Variants in COPG1 observed in about 807,000 individuals in gnomAD.
COPG1 encodes the protein coatomer subunit gamma-1.
COPG1 carries 29 observed loss-of-function variants against 102.8 expected under a neutral mutation model. That is an observed-to-expected ratio of 0.28 (90% CI 0.21 to 0.38). COPG1 has a LOEUF of 0.38. Ranked by LOEUF, COPG1 falls within the 10% of genes least tolerant of loss-of-function variation. The pLI is 1.00. For synonymous variants in COPG1, 406 were observed against 421.6 expected (o/e 0.96, Z 0.45); for missense variants, 875 against 1,132.7 (o/e 0.77, Z 3.27).
chr3:129,260,229 G>A, intron 10 of COPG1, 104 bp from the exon 11 acceptor site: 1 of 1,037,972 alleles, frequency 9.6e-7, no homozygotes, highest in South Asian at 1.4e-5. Flanking sequence ...GTGTCAGCAG[G>A]GAAATGAGCT....
chr3:129,260,086 C>T, intron 10 of COPG1: 1 of 556,546 alleles, frequency 1.8e-6, no homozygotes, highest in South Asian at 2.1e-5. Flanking sequence ...TAGCACAGCA[C>T]CTGGCACACA....
chr3:129,251,240 A>G, intron 2 of COPG1, among the ~76,000 whole-genome samples: 1 of 150,738 alleles, frequency 6.6e-6, no homozygotes, highest in Non-Finnish European at 1.5e-5. Flanking sequence ...TTAAACATTT[A>G]AAAAATTTCT....
chr3:129,262,542 C>A (rs143401681), intron 12 of COPG1, among the ~76,000 whole-genome samples: 1 of 151,980 alleles, frequency 6.6e-6, no homozygotes, highest in African/African-American at 2.4e-5. Flanking sequence ...CGTGAGCCAC[C>A]GCACTCGGCC....
chr3:129,271,149 C>T lies in COPG1; in HGVS notation c.1844-618C>T, dbSNP rs529622595. ...CACTTGGGTTATTCCCTTTAGTTTG[C>T]AAGGAATGCCAGGACCAGCCAGGGT... On this transcript the variant is annotated intron_variant, in intron 18 of 23. Coordinates refer to ENST00000314797, the MANE Select transcript of COPG1 (RefSeq NM_016128.4). The surrounding 1 kb of genome is among the most constrained non-coding windows in gnomAD (Gnocchi z 4.7). Among the ~76,000 whole-genome samples, 1 of 152,256 alleles carries T rather than the reference C, an allele frequency of 6.6e-6. No individual in the cohort carries two copies. The highest frequency in any genetic ancestry group is 2.4e-5 in the African/African-American group (1 of 41,556).
At position 129,277,356 on chromosome 3, in the gene COPG1, A is replaced by G; in HGVS notation, c.2557A>G (p.Thr853Ala). Residue 853 changes from threonine (T) to alanine (A), a missense_variant, in exon 24 of 24, where the codon ACA becomes GCA. Thr to Ala is a moderately conservative substitution (Grantham distance 58, BLOSUM62 0). Transcript: ENST00000314797. The part of the protein sequence containing the change: ...RSRLLLLDTV[T>A]MQVTARSLEE... ...CCGGCTGCTGCTTTTGGACACAGTG[A>G]CAATGCAGGTGACAGCCAGAAGTTT... The G allele has an allele frequency of 6.2e-7, 1 of 1,613,998 alleles. No individual in the cohort carries two copies. The highest frequency in any genetic ancestry group is 2.2e-5 in the East Asian group (1 of 44,876).
intron 21 of COPG1, chr3:129,274,186 G>GA (rs879199047): frequency 0.13 from 39,106 of 294,878 alleles, 61 homozygotes; most frequent in South Asian, 0.2. Flanking sequence ...CAGAGATGAA[G>GA]AAAAAAAAAA....
intron 12 of COPG1, 42 bp from the exon 13 acceptor site, chr3:129,263,862 T>G: frequency 1.3e-6 from 2 of 1,566,780 alleles, no homozygotes; most frequent in South Asian, 2.2e-5. Context: ...CACCCCATCT[T>G]GGTGGCAGGG....
In COPG1 at chr3:129,275,667, A is replaced by G. The variant is rs115995845; in HGVS notation, c.2494+375A>G. ...TTGCATCTTAGAGATCTTCCCCGTCAATATGTAGAGCTTCCTCATTCTTTT... is the reference window on the plus strand; with the variant it reads ...TTGCATCTTAGAGATCTTCCCCGTCGATATGTAGAGCTTCCTCATTCTTTT... On this transcript the variant is annotated intron_variant, in intron 23 of 23. Transcript: ENST00000314797. This position sits in a 1 kb window ranked among gnomAD's most constrained non-coding sequence, Gnocchi z 5.0. Among the ~76,000 whole-genome samples, 1,370 of 152,286 alleles carry G rather than the reference A, an allele frequency of 9.0e-3. 15 individuals are homozygous for G. Among genetic ancestry groups the G allele is most frequent in the African/African-American group, 0.031 (1,300 of 41,570 alleles).
In COPG1 at chr3:129,257,759, G is replaced by A; in HGVS notation, c.770G>A (p.Ser257Asn). Residue 257 changes from serine (S) to asparagine (N), a missense_variant, in exon 10 of 24, where the codon AGC (serine) becomes AAC (asparagine). By Grantham distance (46) the Ser-to-Asn change is conservative. Transcript: ENST00000314797. ...AGCCCACTGTTTGACTTCATCGAGA[G>A]CTGCTTGCGCAACAAGCACGAGATG... ...RDSPLFDFIESCLRNKHEMVV... is the reference protein window; with the variant it reads ...RDSPLFDFIENCLRNKHEMVV... The A allele has an allele frequency of 6.2e-7, 1 of 1,614,186 alleles. No homozygotes were observed.
intron 12 of COPG1, among the ~76,000 whole-genome samples, chr3:129,262,078 A>G (rs1939936272): frequency 6.6e-6 from 1 of 152,102 alleles, no homozygotes; most frequent in Non-Finnish European, 1.5e-5. Context: ...GGGTTACAAG[A>G]ATGCTTTGCA....
chr3:129,251,244 A>G (rs1245832910), intron 2 of COPG1, among the ~76,000 whole-genome samples: 1 of 151,054 alleles, frequency 6.6e-6, no homozygotes, highest in African/African-American at 2.4e-5. Flanking sequence ...ACATTTAAAA[A>G]ATTTCTCTAT....
chr3:129,277,155 C>T, intron 23 of COPG1, 139 bp from the exon 24 acceptor site: 1 of 821,178 alleles, frequency 1.2e-6, no homozygotes, highest in Non-Finnish European at 2.0e-6. Context: ...AAATCCCTCA[C>T]TCAGGGATTT....
chr3:129,260,737 G>A lies in COPG1; in HGVS notation c.1058G>A (p.Ser353Asn). 4 of 1,613,414 alleles carry A rather than the reference G, an allele frequency of 2.5e-6. No individual in the cohort carries two copies. Among genetic ancestry groups the A allele is most frequent in the Non-Finnish European group, 3.4e-6 (4 of 1,180,040 alleles). The stretch of plus-strand genomic sequence containing the variant: ...ATCACCACCCTCCTTAAGACGGGCA[G>A]CGAGAGCAGCATCGACCGCCTCATG... ...LAITTLLKTG[S>N]ESSIDRLMKQ... Residue 353 changes from serine to asparagine, a missense_variant, in exon 12 of 24, where the codon AGC becomes AAC. Physicochemically the swap from Ser to Asn is conservative, Grantham distance 46. Coordinates refer to ENST00000314797, the MANE Select transcript of COPG1 (RefSeq NM_016128.4).
chr3:129,249,723 T>C lies in COPG1; in HGVS notation c.14T>C (p.Phe5Ser). The C allele has an allele frequency of 6.4e-7, 1 of 1,551,506 alleles. No individual in the cohort carries two copies. The highest frequency in any genetic ancestry group is 2.4e-5 in the East Asian group (1 of 40,914). Residue 5 changes from phenylalanine to serine, a missense_variant, in exon 1 of 24, where the codon TTC becomes TCC. By Grantham distance (155) the Phe-to-Ser change is radical. Transcript: ENST00000314797. MLKK[F>S]DKKDEESGGG... ...ACCGACTCCACTATGTTGAAGAAAT[T>C]CGACAAGAAGGATGAGGAGTCAGGT...
In COPG1 at chr3:129,274,719, T is replaced by A; in HGVS notation, c.2257-119T>A. 5.1e-6 allele frequency: 6 copies of A among 1,172,074 alleles called. No homozygotes were observed. The South Asian group carries it at 5.7e-5, about 11-fold the overall frequency. 72.6% of individuals were successfully genotyped at this position (1,172,074 alleles called of 1,614,324 possible). A position where few individuals can be genotyped will look rare whatever the true frequency, so the allele number is the denominator to read the frequency against. ...TCTATGTCCCCAGAGTCTAGCACAG[T>A]CCTCAGTGCCGAGCAAGCACCTGTG... is the stretch of plus-strand genomic sequence containing the variant. On this transcript the variant is annotated intron_variant, in intron 21 of 23. Transcript: ENST00000314797.
At chr3:129,274,000 T>C in intron 21 of COPG1, 1 of 455,664 alleles carries the variant, frequency 2.2e-6, no homozygotes, top group South Asian at 1.5e-5. Flanking sequence ...CTGTTAGAAC[T>C]CCTCCTGACT....
chr3:129,261,517 G>A (rs1939924729), intron 12 of COPG1, among the ~76,000 whole-genome samples: 1 of 152,112 alleles, frequency 6.6e-6, no homozygotes, highest in Admixed American at 6.6e-5. Flanking sequence ...TGTTCTTTTG[G>A]GGCAGGAGGA....
chr3:129,264,421 C>T (rs4927940), intron 13 of COPG1, among the ~76,000 whole-genome samples: 10,960 of 152,186 alleles, frequency 0.072, 1,227 homozygotes, highest in African/African-American at 0.24. Flanking sequence ...CTTTCTTGGA[C>T]GTCTCAACAA....
In COPG1 at chr3:129,257,876, T is replaced by C; in HGVS notation, c.871+16T>C. 1 of 1,611,262 alleles carries C rather than the reference T, an allele frequency of 6.2e-7. No homozygotes were observed. The highest frequency in any genetic ancestry group is 8.5e-7 in the Non-Finnish European group (1 of 1,178,960). On this transcript the variant is annotated intron_variant, in intron 10 of 23. Transcript: ENST00000314797. ...GCTGTGTCAGGTCACTGGGCATTCC[T>C]TCACCCAGCCTCACATGTTTATGCT...
Sources: gnomAD v4.1 joint callset for allele counts (sites outside exome capture counted in the v4.1 genomes callset) on GRCh38, gnomAD v4.1.1 for gene constraint, Gnocchi (gnomAD v3.1) non-coding constraint, MANE v1.5 for transcripts, NCBI Gene and HGNC (gene_info 2026-07-23, HGNC 2026-07-21) for gene names.